The following GRIK2 variants were observed in gnomAD, a reference collection of about 807,000 sequenced individuals.
GRIK2 encodes glutamate ionotropic receptor kainate type subunit 2, also known as glutamate receptor ionotropic, kainate 2.
Under a neutral mutation model 100.3 loss-of-function variants are expected in GRIK2, and 32 were observed. The observed-to-expected ratio is 0.32, with a 90% CI of 0.24 to 0.43. The LOEUF is 0.43. Among genes scored for constraint, GRIK2 ranks in the 20% least tolerant of loss-of-function variants. The pLI, the probability that GRIK2 is intolerant of heterozygous loss-of-function variation, is 1.00. For missense variants in GRIK2, 843 were observed against 1,114.9 expected, an observed-to-expected ratio of 0.76 and a Z score of 3.47; for synonymous variants, 417 against 389.4, an observed-to-expected ratio of 1.07 and a Z score of -0.83.
At chr6:101,523,921 C>T (rs188660042) in intron 2 of GRIK2, among the ~76,000 whole-genome samples, 1 of 152,064 alleles carries the variant, frequency 6.6e-6, no homozygotes, top group East Asian at 1.9e-4. Flanking sequence ...GGGGTTTCAC[C>T]ATATTGGTCG....
At chr6:101,449,625 A>G (rs1435321227) in intron 2 of GRIK2, among the ~76,000 whole-genome samples, 1 of 151,704 alleles carries the variant, frequency 6.6e-6, no homozygotes, top group African/African-American at 2.4e-5. Context: ...TGATCTAATG[A>G]TAATAAACTG....
chr6:101,689,529 A>G lies in GRIK2; in HGVS notation c.951+3176A>G, dbSNP rs140281847. Among the ~76,000 whole-genome samples the G allele has an allele frequency of 2.5e-3, 385 of 152,218 alleles. 6 individuals are homozygous for G. The highest frequency in any genetic ancestry group is 9.0e-3 in the African/African-American group (373 of 41,546). On this transcript the variant is annotated intron_variant, in intron 7 of 16. Transcript: ENST00000369134. ...TTAAATGACTACTGAATACAAAACC[A>G]CTTCGCTTGCCATTGTAGTTTCTTT...
At position 101,529,417 on chromosome 6, in the gene GRIK2, TC is replaced by T. The variant is rs372350742; in HGVS notation, c.116-92531del. On this transcript the variant is annotated intron_variant, in intron 2 of 16. Coordinates refer to ENST00000369134, the MANE Select transcript of GRIK2 (RefSeq NM_021956.5). ...GAGAAATTGCTATTTGATAGGTTTTTCTCCTTATTCTTTCTAATGTCGTTGA... is the reference window on the plus strand; with the variant it reads ...GAGAAATTGCTATTTGATAGGTTTTTTCCTTATTCTTTCTAATGTCGTTGA... Among the ~76,000 whole-genome samples the T allele has an allele frequency of 2.9e-3, 440 of 152,236 alleles. 4 individuals carry two copies. The highest frequency in any genetic ancestry group is 0.01 in the African/African-American group (426 of 41,574).
chr6:102,017,225 A>T (rs75906279), intron 14 of GRIK2, among the ~76,000 whole-genome samples: 1 of 152,126 alleles, frequency 6.6e-6, no homozygotes, highest in Admixed American at 6.5e-5. Context: ...AACTGAAAAC[A>T]TGATGACAAT....
chr6:101,962,335 GAA>G (rs5878704), intron 14 of GRIK2, among the ~76,000 whole-genome samples: 6 of 151,250 alleles, frequency 4.0e-5, no homozygotes, highest in East Asian at 2.0e-4. Context: ...CAGCCATCTT[GAA>G]AAAAAAAACC....
intron 11 of GRIK2, among the ~76,000 whole-genome samples, chr6:101,868,166 C>T (rs1320227560): frequency 6.7e-6 from 1 of 149,392 alleles, no homozygotes; most frequent in Non-Finnish European, 1.5e-5. Flanking sequence ...CAGTACAGAG[C>T]ATTGAAACTT....
At chr6:101,938,565 A>G (rs1312500164) in intron 14 of GRIK2, among the ~76,000 whole-genome samples, 2 of 152,098 alleles carry the variant, frequency 1.3e-5, no homozygotes, top group African/African-American at 4.8e-5. Flanking sequence ...TTATGCTGTG[A>G]TATTAGTGGC....
intron 7 of GRIK2, among the ~76,000 whole-genome samples, chr6:101,758,480 G>A (rs1465367282): frequency 6.6e-6 from 1 of 152,114 alleles, no homozygotes; most frequent in Non-Finnish European, 1.5e-5. Flanking sequence ...TAACTTGCTG[G>A]TGTTCATCCA....
intron 2 of GRIK2, among the ~76,000 whole-genome samples, chr6:101,404,241 C>G (rs1448839394): frequency 6.6e-6 from 1 of 152,188 alleles, no homozygotes; most frequent in East Asian, 1.9e-4. Context: ...TTACTCAGCA[C>G]GGGAAAGTTA....
intron 10 of GRIK2, among the ~76,000 whole-genome samples, chr6:101,842,475 A>G (rs1697993199): frequency 6.6e-6 from 1 of 152,160 alleles, no homozygotes; most frequent in Non-Finnish European, 1.5e-5. Context: ...ATGCATTTAA[A>G]TGCAAACTTT....
At chr6:101,475,959 G>A (rs1421338282) in intron 2 of GRIK2, among the ~76,000 whole-genome samples, 2 of 151,962 alleles carry the variant, frequency 1.3e-5, no homozygotes, top group African/African-American at 2.4e-5. Flanking sequence ...AAAGAGCCAA[G>A]GTAATACCCC....
chr6:101,460,746 C>T (rs1308718786), intron 2 of GRIK2, among the ~76,000 whole-genome samples: 5 of 152,136 alleles, frequency 3.3e-5, no homozygotes, highest in Non-Finnish European at 7.4e-5. Context: ...AGGACACCTG[C>T]AAGAATTAAA....
At chr6:101,958,853 T>C (rs1792108954) in intron 14 of GRIK2, among the ~76,000 whole-genome samples, 1 of 152,080 alleles carries the variant, frequency 6.6e-6, no homozygotes, top group African/African-American at 2.4e-5. Context: ...TGTTGAACCA[T>C]TCTTGAATCC....
chr6:101,945,851 A>T (rs1273420725), intron 14 of GRIK2, among the ~76,000 whole-genome samples: 1 of 150,226 alleles, frequency 6.7e-6, no homozygotes. Flanking sequence ...TGTGAATTTC[A>T]TGAGGTCAAA....
intron 7 of GRIK2, among the ~76,000 whole-genome samples, chr6:101,688,409 A>G (rs563804651): frequency 2.6e-4 from 39 of 152,006 alleles, no homozygotes; most frequent in Non-Finnish European, 4.3e-4. Flanking sequence ...TCCCGAAATG[A>G]AGTAATCCCT....
chr6:101,735,156 G>A (rs1310406317), intron 7 of GRIK2, among the ~76,000 whole-genome samples: 2 of 152,132 alleles, frequency 1.3e-5, no homozygotes, highest in Non-Finnish European at 2.9e-5. Context: ...GAGGTCCAGA[G>A]GTGTAGTCTG....
At chr6:101,408,898 T>A (rs891431448) in intron 2 of GRIK2, among the ~76,000 whole-genome samples, 19 of 152,062 alleles carry the variant, frequency 1.2e-4, no homozygotes, top group Non-Finnish European at 2.6e-4. Context: ...AGCAAAATTC[T>A]GAAAGGAAAT....
At chr6:101,981,405 T>G (rs959920128) in intron 14 of GRIK2, among the ~76,000 whole-genome samples, 2 of 151,848 alleles carry the variant, frequency 1.3e-5, no homozygotes, top group Admixed American at 1.3e-4. Context: ...ATTTAAAAGG[T>G]AATACAGTGC....
chr6:101,808,248 G>A (rs911518797), intron 9 of GRIK2, among the ~76,000 whole-genome samples: 10 of 152,026 alleles, frequency 6.6e-5, no homozygotes, highest in African/African-American at 2.4e-4. Context: ...CACAAAATGG[G>A]TTTAGACTGA....
Sources: gnomAD v4.1 joint callset for allele counts (sites outside exome capture counted in the v4.1 genomes callset) on GRCh38, gnomAD v4.1.1 for gene constraint, MANE v1.5 for transcripts, NCBI Gene and HGNC (gene_info 2026-07-23, HGNC 2026-07-21) for gene names.